Variants in MYO16 observed in about 807,000 individuals in gnomAD.
The protein encoded by MYO16 is myosin XVI, also known as unconventional myosin-XVI.
MYO16 carries 94 observed loss-of-function variants against 205.3 expected under a neutral mutation model. The ratio of observed to expected loss-of-function variants is 0.46; its 90% CI spans 0.39 to 0.54. The LOEUF is 0.54. MYO16 is among the 20% of genes least tolerant of loss of function. MYO16 has a pLI of 0.00. For missense variants in MYO16, 2,315 were observed against 2,387.5 expected (o/e 0.97, Z 0.63); for synonymous variants, 988 against 954.0 (o/e 1.04, Z -0.66).
At chr13:108,509,603 T>C in the MYO16 span, among the ~76,000 whole-genome samples, 1 of 152,210 alleles carries the variant, frequency 6.6e-6, no homozygotes, top group Non-Finnish European at 1.5e-5. Flanking sequence ...TTGGCTTCAG[T>C]TGATCAGCAT....
intron 32 of MYO16, among the ~76,000 whole-genome samples, chr13:109,144,711 G>A (rs1181563262): frequency 6.6e-6 from 1 of 151,978 alleles, no homozygotes; most frequent in African/African-American, 2.4e-5. Context: ...TTCATTTTTT[G>A]TTCAATTTTC....
At chr13:108,855,419 A>T (rs1878115199) in intron 10 of MYO16, 24 bp from the exon 11 acceptor site, 1 of 1,441,492 alleles carries the variant, frequency 6.9e-7, no homozygotes, top group Admixed American at 1.9e-5. Flanking sequence ...ATTAGAATTG[A>T]TCATACTTTC....
chr13:108,905,236 T>C (rs1880909002), intron 15 of MYO16, among the ~76,000 whole-genome samples: 1 of 152,132 alleles, frequency 6.6e-6, no homozygotes. Context: ...CTTTACCCTG[T>C]TATAAAACTA....
At chr13:108,871,818 G>A (rs568851061) in intron 12 of MYO16, among the ~76,000 whole-genome samples, 3 of 152,242 alleles carry the variant, frequency 2.0e-5, no homozygotes, top group East Asian at 1.9e-4. Flanking sequence ...GTGTGGCCCG[G>A]TGCATCCTGA....
chr13:108,849,330 AT>A (rs1454321102), intron 10 of MYO16, among the ~76,000 whole-genome samples: 1 of 152,016 alleles, frequency 6.6e-6, no homozygotes, highest in African/African-American at 2.4e-5. Context: ...AGCTGGGATT[AT>A]AGGTGCCTGC....
chr13:108,675,579 T>A (rs1882167392), intron 2 of MYO16, among the ~76,000 whole-genome samples: 1 of 152,134 alleles, frequency 6.6e-6, no homozygotes, highest in South Asian at 2.1e-4. Context: ...GAAAAAAATA[T>A]ACCTAGATGG....
intron 34 of MYO16, among the ~76,000 whole-genome samples, chr13:109,191,774 G>C (rs182887419): frequency 1.1e-3 from 162 of 152,296 alleles, no homozygotes; most frequent in African/African-American, 3.7e-3. Context: ...ACTACGGCAA[G>C]AGGCTAAATA....
chr13:108,971,029 G>A (rs112493238), intron 20 of MYO16, among the ~76,000 whole-genome samples: 155 of 152,236 alleles, frequency 1.0e-3, no homozygotes, highest in African/African-American at 3.6e-3. Flanking sequence ...TGAGATACAT[G>A]ATTGGAGCTA....
chr13:108,666,236 T>A, intron 2 of MYO16, 87 bp downstream of exon 2: 9 of 1,409,442 alleles, frequency 6.4e-6, no homozygotes, highest in Non-Finnish European at 8.5e-6. Flanking sequence ...GATGGAGAGA[T>A]GGGGCAGAAA....
At chr13:108,553,283 G>C in the MYO16 span, among the ~76,000 whole-genome samples, 1 of 152,132 alleles carries the variant, frequency 6.6e-6, no homozygotes, top group East Asian at 1.9e-4. Context: ...GAGCCACCGC[G>C]CCTGGCGTTA....
At chr13:109,015,436 G>A (rs61970226) in intron 22 of MYO16, among the ~76,000 whole-genome samples, 3,736 of 152,158 alleles carry the variant, frequency 0.025, 100 homozygotes, top group South Asian at 0.078. Context: ...TTTTTGTTGT[G>A]TCTCTGCCAG....
At chr13:108,667,990 G>T (rs1881817147) in intron 2 of MYO16, among the ~76,000 whole-genome samples, 1 of 152,150 alleles carries the variant, frequency 6.6e-6, no homozygotes, top group Non-Finnish European at 1.5e-5. Context: ...AATGAGCCAT[G>T]ATGGTGACCT....
intron 1 of MYO16, among the ~76,000 whole-genome samples, chr13:108,660,248 T>G (rs948774639): frequency 2.0e-5 from 3 of 152,166 alleles, no homozygotes; most frequent in African/African-American, 7.2e-5. Flanking sequence ...GTGACCCCCA[T>G]GAGGAAGGGT....
At chr13:108,847,558 T>C (rs1173260104) in intron 10 of MYO16, among the ~76,000 whole-genome samples, 3 of 152,202 alleles carry the variant, frequency 2.0e-5, no homozygotes, top group Non-Finnish European at 4.4e-5. Context: ...ATACATCATG[T>C]GGAAAATTTT....
the MYO16 span, among the ~76,000 whole-genome samples, chr13:108,517,849 T>G: frequency 6.6e-6 from 1 of 152,168 alleles, no homozygotes; most frequent in African/African-American, 2.4e-5. Context: ...CACCAGCAGA[T>G]TTGGTGTCTG....
chr13:109,025,287 G>A (rs559039061), intron 23 of MYO16, among the ~76,000 whole-genome samples: 2 of 152,282 alleles, frequency 1.3e-5, no homozygotes, highest in South Asian at 2.1e-4. Context: ...CAGGAAGACC[G>A]GCCACGCTTC....
At chr13:109,176,602 G>A (rs202153239) in intron 33 of MYO16, among the ~76,000 whole-genome samples, 2,928 of 34,942 alleles carry the variant, frequency 0.084, 4 homozygotes, top group East Asian at 0.2. Flanking sequence ...AAAAAAAAAA[G>A]ACCTCCTTTG....
chr13:108,634,722 A>G (rs11069747), intron 1 of MYO16, among the ~76,000 whole-genome samples: 48,067 of 152,070 alleles, frequency 0.32, 7,775 homozygotes, highest in South Asian at 0.39. Context: ...TGATGTGATT[A>G]CCACGTCTTC....
intron 9 of MYO16, among the ~76,000 whole-genome samples, chr13:108,833,027 A>G (rs1876710764): frequency 6.6e-6 from 1 of 152,124 alleles, no homozygotes; most frequent in Non-Finnish European, 1.5e-5. Flanking sequence ...TAACACTTGG[A>G]ACTTTCAGAA....
Sources: gnomAD v4.1 joint callset for allele counts (sites outside exome capture counted in the v4.1 genomes callset) on GRCh38, gnomAD v4.1.1 for gene constraint, MANE v1.5 for transcripts, NCBI Gene and HGNC (gene_info 2026-07-23, HGNC 2026-07-21) for gene names.